CAMTA1: variants seen among roughly 807,000 people sequenced by gnomAD.
CAMTA1 encodes calmodulin binding transcription activator 1.
Under a neutral mutation model 170.9 loss-of-function variants are expected in CAMTA1, and 27 were observed. That is an observed-to-expected ratio of 0.16 (90% CI 0.12 to 0.22). CAMTA1 has a LOEUF of 0.22. CAMTA1 is among the 10% of genes least tolerant of loss of function. CAMTA1 has a pLI of 1.00. For synonymous variants in CAMTA1, 833 were observed against 891.5 expected (o/e 0.93, Z 1.17); for missense variants, 1,619 against 2,217.2 (o/e 0.73, Z 5.42).
At chr1:7,316,616 A>G (rs1677545780) in intron 5 of CAMTA1, among the ~76,000 whole-genome samples, 1 of 152,158 alleles carries the variant, frequency 6.6e-6, no homozygotes, top group Non-Finnish European at 1.5e-5. Flanking sequence ...CTGTTCGTTC[A>G]TTTAGTCGCA....
chr1:6,883,494 C>T (rs1020065302), intron 3 of CAMTA1, among the ~76,000 whole-genome samples: 3 of 151,964 alleles, frequency 2.0e-5, no homozygotes, highest in Admixed American at 2.0e-4. Flanking sequence ...TAGGATTTTG[C>T]CAGGTGAGTA....
chr1:6,825,449 A>G (rs1646996004), intron 3 of CAMTA1, among the ~76,000 whole-genome samples: 1 of 152,202 alleles, frequency 6.6e-6, no homozygotes, highest in African/African-American at 2.4e-5. Context: ...CTAAAGTAGC[A>G]TGAGTTTCTG....
chr1:7,727,054 A>G (rs2096693049), intron 11 of CAMTA1, among the ~76,000 whole-genome samples: 1 of 152,070 alleles, frequency 6.6e-6, no homozygotes, highest in Non-Finnish European at 1.5e-5. Flanking sequence ...GGTAAGAACT[A>G]GGACCAAACT....
intron 6 of CAMTA1, among the ~76,000 whole-genome samples, chr1:7,500,081 A>C (rs1238860237): frequency 8.5e-6 from 1 of 118,306 alleles, no homozygotes; most frequent in Admixed American, 8.8e-5. Flanking sequence ...GTGTGTGTGC[A>C]TGTGTGTCCA....
intron 6 of CAMTA1, among the ~76,000 whole-genome samples, chr1:7,569,005 A>G (rs1000662637): frequency 1.3e-5 from 2 of 150,582 alleles, no homozygotes; most frequent in South Asian, 2.1e-4. Context: ...CATGATCCCT[A>G]TCACCATCAT....
At chr1:7,628,930 C>A (rs957235658) in intron 6 of CAMTA1, among the ~76,000 whole-genome samples, 1 of 152,186 alleles carries the variant, frequency 6.6e-6, no homozygotes, top group Non-Finnish European at 1.5e-5. Flanking sequence ...CCCTCTGAGA[C>A]CTGATTGCCC....
intron 1 of CAMTA1, among the ~76,000 whole-genome samples, chr1:6,789,327 A>G (rs1285540651): frequency 6.6e-6 from 1 of 152,124 alleles, no homozygotes; most frequent in Non-Finnish European, 1.5e-5. Context: ...CCTATTCTTT[A>G]GAGAGTAGTG....
At chr1:7,718,853 C>CTT (rs1380463151) in intron 11 of CAMTA1, among the ~76,000 whole-genome samples, 3,577 of 134,526 alleles carry the variant, frequency 0.027, 70 homozygotes, top group Non-Finnish European at 0.028. Context: ...CCGGTCAGCC[C>CTT]TTTTTTTTTT....
chr1:7,179,557 T>A (rs898273357), intron 4 of CAMTA1, among the ~76,000 whole-genome samples: 1 of 152,160 alleles, frequency 6.6e-6, no homozygotes, highest in Non-Finnish European at 1.5e-5. Flanking sequence ...AAACAATACT[T>A]TCTAACCACG....
intron 6 of CAMTA1, among the ~76,000 whole-genome samples, chr1:7,598,930 G>A (rs1443694922): frequency 6.6e-6 from 1 of 152,302 alleles, no homozygotes; most frequent in South Asian, 2.1e-4. Context: ...CTGTGCAGAA[G>A]CTCTTTAGTT....
chr1:7,656,597 G>T (rs984282793), intron 7 of CAMTA1, among the ~76,000 whole-genome samples: 14 of 152,330 alleles, frequency 9.2e-5, no homozygotes, highest in African/African-American at 3.1e-4. Flanking sequence ...CGTGGCTCAG[G>T]CTTAGCCTGT....
At chr1:7,595,033 C>T (rs995757773) in intron 6 of CAMTA1, among the ~76,000 whole-genome samples, 3 of 152,118 alleles carry the variant, frequency 2.0e-5, no homozygotes, top group African/African-American at 7.2e-5. Flanking sequence ...GCTGGGATAC[C>T]CCAACATCTT....
At chr1:7,275,381 CA>C (rs1302767463) in intron 5 of CAMTA1, among the ~76,000 whole-genome samples, 1 of 150,496 alleles carries the variant, frequency 6.6e-6, no homozygotes, top group Non-Finnish European at 1.5e-5. Flanking sequence ...CAATTAAAAC[CA>C]AAATAAGTAA....
chr1:7,450,795 G>A lies in CAMTA1; in HGVS notation c.439-17035G>A, dbSNP rs79002409. The stretch of plus-strand genomic sequence containing the variant: ...TGCATTCTCTCTTTCTGGAGCCCGC[G>A]GACCCATCACAAGGCAGATAAAATG... On this transcript the variant is annotated intron_variant, in intron 5 of 22. Coordinates refer to ENST00000303635, the MANE Select transcript of CAMTA1 (RefSeq NM_015215.4). Among the ~76,000 whole-genome samples, 576 of 152,286 alleles carry A rather than the reference G, an allele frequency of 3.8e-3. 2 individuals are homozygous for A. Among genetic ancestry groups the A allele is most frequent in the African/African-American group, 0.013 (528 of 41,554 alleles).
Position 7,637,233 on chromosome 1 carries a change from C to T in CAMTA1, c.511-3167C>T, listed in dbSNP as rs183467468. Reference sequence around the variant, plus strand: ...AGGCTGGCCCAGGCTGTGCCCAGCACGACTGTGGGGCAGGATGCGGCAGTC... The same window carrying T: ...AGGCTGGCCCAGGCTGTGCCCAGCATGACTGTGGGGCAGGATGCGGCAGTC... On this transcript the variant is annotated intron_variant, in intron 6 of 22. Transcript: ENST00000303635. Among the ~76,000 whole-genome samples, 849 of 152,268 alleles carry T rather than the reference C, an allele frequency of 5.6e-3. 7 individuals are homozygous for T. Among genetic ancestry groups the T allele is most frequent in the Non-Finnish European group, 7.1e-3 (486 of 68,018 alleles).
chr1:7,066,514 G>A (rs189055673), intron 3 of CAMTA1, among the ~76,000 whole-genome samples: 2 of 152,174 alleles, frequency 1.3e-5, no homozygotes, highest in Admixed American at 6.5e-5. Context: ...TTACATTTTC[G>A]ACACAGAGCA....
At chr1:7,538,120 G>C (rs1193031369) in intron 6 of CAMTA1, among the ~76,000 whole-genome samples, 1 of 152,194 alleles carries the variant, frequency 6.6e-6, no homozygotes, top group African/African-American at 2.4e-5. Context: ...GGTAGCTGTT[G>C]AACAACCAGC....
intron 6 of CAMTA1, among the ~76,000 whole-genome samples, chr1:7,539,325 C>G (rs1364404645): frequency 6.6e-6 from 1 of 152,238 alleles, no homozygotes; most frequent in Non-Finnish European, 1.5e-5. Context: ...CCCCAGTGCT[C>G]AGGCTGAAGA....
At chr1:7,291,213 C>T (rs909559148) in intron 5 of CAMTA1, among the ~76,000 whole-genome samples, 7 of 152,038 alleles carry the variant, frequency 4.6e-5, no homozygotes, top group South Asian at 4.2e-4. Context: ...AAGTTAGGGA[C>T]GAAGACGGGC....
Sources: gnomAD v4.1 joint callset for allele counts (sites outside exome capture counted in the v4.1 genomes callset) on GRCh38, gnomAD v4.1.1 for gene constraint, MANE v1.5 for transcripts, NCBI Gene and HGNC (gene_info 2026-07-23, HGNC 2026-07-21) for gene names.